PRKG1: variants seen among roughly 807,000 people sequenced by gnomAD.
PRKG1 encodes cGMP-dependent protein kinase 1.
PRKG1 carries 35 observed loss-of-function variants against 88.1 expected under a neutral mutation model. That is an observed-to-expected ratio of 0.40 (90% CI 0.30 to 0.53). The LOEUF (loss-of-function observed/expected upper bound fraction) is 0.53, where lower values mean the gene tolerates loss of function less well. Ranked by LOEUF, PRKG1 falls within the 20% of genes least tolerant of loss-of-function variation. PRKG1 has a pLI of 0.59. For missense variants in PRKG1, 540 were observed against 839.8 expected, an observed-to-expected ratio of 0.64 and a Z score of 4.41; for synonymous variants, 303 against 292.5, an observed-to-expected ratio of 1.04 and a Z score of -0.37.
At chr10:51,922,677 T>C (rs982088946) in intron 5 of PRKG1, among the ~76,000 whole-genome samples, 2 of 152,010 alleles carry the variant, frequency 1.3e-5, no homozygotes, top group East Asian at 1.9e-4. Flanking sequence ...AAAAATGTGT[T>C]GTTTAATTTC....
In PRKG1 at chr10:51,431,854, C is replaced by T. The variant is rs541811561; in HGVS notation, c.479-35869C>T. Among the ~76,000 whole-genome samples the T allele has an allele frequency of 2.0e-4, 30 of 152,118 alleles. No homozygotes were observed. In the East Asian group the frequency reaches 5.8e-3, roughly 29 times the overall value. On this transcript the variant is annotated intron_variant, in intron 2 of 17. Transcript: ENST00000373980. ...AACAATAATTTGTTAGTTTGTTTCT[C>T]TTTTTTTCTGGAAGAAACAAAACAA...
chr10:51,598,279 A>AT (rs1338255601), intron 3 of PRKG1, among the ~76,000 whole-genome samples: 2 of 151,806 alleles, frequency 1.3e-5, no homozygotes, highest in African/African-American at 4.8e-5. Context: ...CCAAGCCTTT[A>AT]TTTTTTTCCT....
At chr10:51,545,375 C>T (rs1348119905) in intron 3 of PRKG1, among the ~76,000 whole-genome samples, 1 of 152,090 alleles carries the variant, frequency 6.6e-6, no homozygotes, top group South Asian at 2.1e-4. Flanking sequence ...ATGAATTTGT[C>T]CTCATGGGAA....
At chr10:51,894,595 G>A (rs1841797734) in intron 4 of PRKG1, among the ~76,000 whole-genome samples, 1 of 152,104 alleles carries the variant, frequency 6.6e-6, no homozygotes, top group Non-Finnish European at 1.5e-5. Context: ...GTGATTTCTT[G>A]GAACCTACCC....
chr10:51,229,558 C>T (rs1564647017), intron 2 of PRKG1, among the ~76,000 whole-genome samples: 1 of 152,218 alleles, frequency 6.6e-6, no homozygotes, highest in African/African-American at 2.4e-5. Context: ...CTTTTGTGAC[C>T]ACTGAAATGT....
chr10:51,728,703 G>A (rs571619112), intron 3 of PRKG1, among the ~76,000 whole-genome samples: 25 of 152,088 alleles, frequency 1.6e-4, no homozygotes, highest in African/African-American at 4.6e-4. Context: ...ATAAAAGGTC[G>A]GAGTGCTATG....
chr10:52,121,525 G>A (rs1847819149), intron 7 of PRKG1, among the ~76,000 whole-genome samples: 1 of 152,106 alleles, frequency 6.6e-6, no homozygotes, highest in Non-Finnish European at 1.5e-5. Context: ...GCTAAAAGAG[G>A]CCATGTAGCA....
chr10:51,822,631 T>A (rs1839779146), intron 4 of PRKG1, among the ~76,000 whole-genome samples: 1 of 152,140 alleles, frequency 6.6e-6, no homozygotes, highest in African/African-American at 2.4e-5. Flanking sequence ...ATGTTCTGTG[T>A]CCCACCAGTT....
chr10:52,053,551 A>G (rs1182544400), intron 5 of PRKG1, among the ~76,000 whole-genome samples: 1 of 152,182 alleles, frequency 6.6e-6, no homozygotes, highest in African/African-American at 2.4e-5. Context: ...GCAGAGAAGG[A>G]TAGGGCCAGA....
At chr10:52,020,122 T>C (rs1845145435) in intron 5 of PRKG1, among the ~76,000 whole-genome samples, 1 of 151,970 alleles carries the variant, frequency 6.6e-6, no homozygotes, top group Non-Finnish European at 1.5e-5. Context: ...ATTAAGATAA[T>C]AAAATTTACT....
At chr10:51,478,418 T>C (rs557588473) in intron 3 of PRKG1, among the ~76,000 whole-genome samples, 1 of 152,220 alleles carries the variant, frequency 6.6e-6, no homozygotes, top group South Asian at 2.1e-4. Context: ...CCATAATTTT[T>C]ATAAGAATGC....
intron 1 of PRKG1, among the ~76,000 whole-genome samples, chr10:51,144,613 A>G (rs1429927986): frequency 6.6e-6 from 1 of 152,152 alleles, no homozygotes; most frequent in African/African-American, 2.4e-5. Context: ...AGCTTTTATG[A>G]CTAGGAGCAT....
intron 7 of PRKG1, among the ~76,000 whole-genome samples, chr10:52,102,941 C>T (rs1373870709): frequency 6.6e-6 from 1 of 152,122 alleles, no homozygotes; most frequent in Admixed American, 6.5e-5. Context: ...TGATCTGTGG[C>T]CTGTTAGGAA....
chr10:52,213,521 G>A (rs1840035518), intron 9 of PRKG1, among the ~76,000 whole-genome samples: 2 of 152,164 alleles, frequency 1.3e-5, no homozygotes, highest in Non-Finnish European at 2.9e-5. Flanking sequence ...AATCCTAGCT[G>A]GAACCAGTTC....
intron 3 of PRKG1, among the ~76,000 whole-genome samples, chr10:51,736,654 G>A (rs185629672): frequency 1.4e-4 from 21 of 148,522 alleles, no homozygotes; most frequent in African/African-American, 4.0e-4. Flanking sequence ...TGTTGTCCAG[G>A]CTGGAGTGCA....
intron 5 of PRKG1, among the ~76,000 whole-genome samples, chr10:51,986,874 A>G (rs74132880): frequency 0.097 from 14,761 of 152,188 alleles, 1,925 homozygotes; most frequent in African/African-American, 0.29. Context: ...ATACGCTTCT[A>G]TCTTGAGCAT....
At chr10:51,159,377 T>G (rs2131985293) in intron 2 of PRKG1, among the ~76,000 whole-genome samples, 1 of 152,294 alleles carries the variant, frequency 6.6e-6, no homozygotes, top group Non-Finnish European at 1.5e-5. Context: ...TTTGGCCTTA[T>G]GAGTTTTTCG....
At chr10:52,038,552 G>C (rs1845675383) in intron 5 of PRKG1, among the ~76,000 whole-genome samples, 1 of 152,086 alleles carries the variant, frequency 6.6e-6, no homozygotes, top group Non-Finnish European at 1.5e-5. Context: ...GCCGCTAAGA[G>C]TGAAGGAGAA....
chr10:52,169,750 T>C (rs1838607955), intron 9 of PRKG1, among the ~76,000 whole-genome samples: 1 of 152,132 alleles, frequency 6.6e-6, no homozygotes, highest in Non-Finnish European at 1.5e-5. Flanking sequence ...AGAAACAGGA[T>C]TCAATGAGCT....
Sources: gnomAD v4.1 joint callset for allele counts (sites outside exome capture counted in the v4.1 genomes callset) on GRCh38, gnomAD v4.1.1 for gene constraint, MANE v1.5 for transcripts, NCBI Gene and HGNC (gene_info 2026-07-23, HGNC 2026-07-21) for gene names.